DNASE1: variants seen among roughly 807,000 people sequenced by gnomAD.
DNASE1 encodes deoxyribonuclease-1.
DNASE1 carries 40 observed loss-of-function variants against 33.9 expected under a neutral mutation model. The observed-to-expected ratio is 1.18, with a 90% CI of 0.92 to 1.54. The LOEUF (loss-of-function observed/expected upper bound fraction) is 1.54, where lower values mean the gene tolerates loss of function less well. Among genes scored for constraint, DNASE1 ranks in the 40% most tolerant of loss-of-function variants. DNASE1 has a pLI of 0.00. For synonymous variants in DNASE1, 216 were observed against 160.0 expected, an observed-to-expected ratio of 1.35 and a Z score of -2.64; for missense variants, 518 against 372.6, an observed-to-expected ratio of 1.39 and a Z score of -3.21.
At chr16:3,643,335 C>A (rs2042076446) in intron 1 of DNASE1, among the ~76,000 whole-genome samples, 1 of 152,248 alleles carries the variant, frequency 6.6e-6, no homozygotes, top group African/African-American at 2.4e-5. Context: ...GGCTGAAAAG[C>A]AGAGTGGGAT....
At position 3,657,821 on chromosome 16, in the gene DNASE1, G is replaced by A. The variant is rs752630777; in HGVS notation, c.801+5G>A. On this transcript the variant is annotated splice_donor_5th_base_variant and intron_variant, in intron 8 of 8. Transcript: ENST00000246949. Reference sequence around the variant, plus strand: ...TATGGCCTGAGTGACCAACTGGTATGTGTCCTCCCTTGCACAGCCACATGA... The same window carrying A: ...TATGGCCTGAGTGACCAACTGGTATATGTCCTCCCTTGCACAGCCACATGA... 1.2e-6 allele frequency: 2 copies of A among 1,613,770 alleles called. No homozygotes were observed. The highest frequency in any genetic ancestry group is 2.7e-5 in the African/African-American group (2 of 74,898).
At chr16:3,640,190 C>T (rs2041992610), upstream of DNASE1, among the ~76,000 whole-genome samples, 1 of 152,170 alleles carries the variant, frequency 6.6e-6, no homozygotes, top group South Asian at 2.1e-4. Flanking sequence ...GTTTTGTTTG[C>T]TACTTCCTCA....
At chr16:3,663,113 A>G (rs1453193434) in exon 10 of DNASE1, 10 of 710,236 alleles carry the variant, frequency 1.4e-5, no homozygotes, top group Non-Finnish European at 2.3e-5. Flanking sequence ...ATCTAAAAGT[A>G]AAACCTCAAA....
At chr16:3,625,164 G>C (rs1337888187) in intron 1 of DNASE1, among the ~76,000 whole-genome samples, 1 of 152,170 alleles carries the variant, frequency 6.6e-6, no homozygotes, top group Non-Finnish European at 1.5e-5. Flanking sequence ...AAGTTAGCCA[G>C]GTGTGGTGGT....
chr16:3,632,371 CT>C (rs2041726473), intron 1 of DNASE1, among the ~76,000 whole-genome samples: 3 of 152,104 alleles, frequency 2.0e-5, no homozygotes, highest in Admixed American at 1.3e-4. Flanking sequence ...TTAGTTTTTG[CT>C]TTGAGGATTT....
Position 3,623,292 on chromosome 16 carries a change from A to G in DNASE1, c.-1359+11286A>G, listed in dbSNP as rs544733001. ...CTGGGAAAATTGGCTAACCATATAT[A>G]GAAAAATGAAACCGTACCTCTATCT... On this transcript the variant is annotated intron_variant and NMD_transcript_variant, in intron 1 of 11. Coordinates refer to the DNASE1 transcript ENST00000570769. Among the ~76,000 whole-genome samples the G allele has an allele frequency of 9.2e-5, 14 of 152,328 alleles. No homozygotes were observed. In the East Asian group the frequency reaches 2.7e-3, roughly 29 times the overall value.
At chr16:3,621,866 G>T (rs542162076) in intron 1 of DNASE1, among the ~76,000 whole-genome samples, 10 of 152,152 alleles carry the variant, frequency 6.6e-5, no homozygotes, top group African/African-American at 9.7e-5. Flanking sequence ...AAGTGGAATT[G>T]CTGGGTCAAA....
At chr16:3,612,808 C>G (rs752775353) in intron 1 of DNASE1, among the ~76,000 whole-genome samples, 1 of 152,060 alleles carries the variant, frequency 6.6e-6, no homozygotes, top group Non-Finnish European at 1.5e-5. Context: ...GTGAGAGCGG[C>G]CCGAATTAGG....
chr16:3,655,235 G>A, intron 1 of DNASE1, 138 bp from the exon 2 acceptor site: 1 of 1,223,128 alleles, frequency 8.2e-7, no homozygotes, highest in Non-Finnish European at 1.1e-6. Context: ...GGACGTTGTA[G>A]GAAAGGGTTT....
chr16:3,633,694 A>G (rs1328734864), intron 1 of DNASE1, among the ~76,000 whole-genome samples: 2 of 152,046 alleles, frequency 1.3e-5, no homozygotes, highest in African/African-American at 2.4e-5. Flanking sequence ...ACCTGATGCT[A>G]TACCACTTCA....
At chr16:3,662,956 G>C (rs751304938), downstream of DNASE1, 2 of 1,610,258 alleles carry the variant, frequency 1.2e-6, no homozygotes, top group South Asian at 2.2e-5. Flanking sequence ...TTCTCTGATA[G>C]GCACTCGGCG....
chr16:3,614,555 C>T lies in DNASE1; in HGVS notation c.-1359+2549C>T, dbSNP rs184648146. Among the ~76,000 whole-genome samples, 18 of 152,186 alleles carry T rather than the reference C, an allele frequency of 1.2e-4. No homozygotes were observed. The East Asian group carries it at 3.5e-3, about 29-fold the overall frequency. On this transcript the variant is annotated intron_variant and NMD_transcript_variant, in intron 1 of 11. Coordinates refer to the DNASE1 transcript ENST00000570769. Reference sequence around the variant, plus strand: ...TTGGATAATTTAAATAATTCCATCACGCTTTGCCTTTGGGTGGTCTCTAGT... The same window carrying T: ...TTGGATAATTTAAATAATTCCATCATGCTTTGCCTTTGGGTGGTCTCTAGT...
At chr16:3,663,372 G>T (rs2050733297) in exon 10 of DNASE1, 3 of 1,609,908 alleles carry the variant, frequency 1.9e-6, no homozygotes, top group East Asian at 4.5e-5. Context: ...GGCAGGAGAG[G>T]CGTGCGGGGA....
At chr16:3,634,871 C>T (rs1351336071) in intron 1 of DNASE1, among the ~76,000 whole-genome samples, 1 of 152,114 alleles carries the variant, frequency 6.6e-6, no homozygotes, top group Non-Finnish European at 1.5e-5. Context: ...GGCTAGAGTG[C>T]AGTGGCTATT....
In DNASE1 at chr16:3,657,124, C is replaced by G; in HGVS notation, c.549+13C>G. The G allele has an allele frequency of 1.2e-6, 2 of 1,614,108 alleles. No homozygotes were observed. The highest frequency in any genetic ancestry group is 1.7e-6 in the Non-Finnish European group (2 of 1,180,016). On this transcript the variant is annotated intron_variant, in intron 6 of 8. Coordinates refer to ENST00000246949, the MANE Select transcript of DNASE1 (RefSeq NM_005223.4). ...ATGGGGCTTGGAGGTGAGGCCCTCCCAGGGGCAGTGGGCACCAGCGGCCTC... is the reference window on the plus strand; with the variant it reads ...ATGGGGCTTGGAGGTGAGGCCCTCCGAGGGGCAGTGGGCACCAGCGGCCTC...
chr16:3,631,607 C>G (rs1183575725), intron 1 of DNASE1, among the ~76,000 whole-genome samples: 2 of 152,160 alleles, frequency 1.3e-5, no homozygotes, highest in Non-Finnish European at 2.9e-5. Context: ...TCACTGCAAC[C>G]TCTACCTCCC....
chr16:3,613,696 A>T (rs1165298830), intron 1 of DNASE1, among the ~76,000 whole-genome samples: 3 of 151,986 alleles, frequency 2.0e-5, no homozygotes, highest in African/African-American at 7.2e-5. Flanking sequence ...TATAGAGGAG[A>T]CTGAGTGACG....
chr16:3,615,763 T>A (rs2041078596), intron 1 of DNASE1, among the ~76,000 whole-genome samples: 1 of 152,236 alleles, frequency 6.6e-6, no homozygotes, highest in Non-Finnish European at 1.5e-5. Context: ...AGGCAAAGGT[T>A]GAAGATGCTG....
At chr16:3,654,618 A>G (rs2042476396), upstream of DNASE1, 2 of 398,738 alleles carry the variant, frequency 5.0e-6, no homozygotes, top group South Asian at 2.5e-4. Flanking sequence ...CACACGTGCA[A>G]GGGACACGGG....
Sources: gnomAD v4.1 joint callset for allele counts (sites outside exome capture counted in the v4.1 genomes callset) on GRCh38, gnomAD v4.1.1 for gene constraint, MANE v1.5 for transcripts, NCBI Gene and HGNC (gene_info 2026-07-23, HGNC 2026-07-21) for gene names.